SLC35B3: variants seen among roughly 807,000 people sequenced by gnomAD.
The protein encoded by SLC35B3 is solute carrier family 35 member B3, also known as adenosine 3'-phospho 5'-phosphosulfate transporter 2.
In SLC35B3, 35 loss-of-function variants were observed where a neutral mutation model predicts 44.1. That is an observed-to-expected ratio of 0.79 (90% CI 0.61 to 1.05). The LOEUF (loss-of-function observed/expected upper bound fraction) is 1.05. SLC35B3 is among the 50% of genes least tolerant of loss of function. The pLI is 0.00. For missense variants in SLC35B3, 414 were observed against 476.4 expected, an observed-to-expected ratio of 0.87 and a Z score of 1.22; for synonymous variants, 146 against 167.3, an observed-to-expected ratio of 0.87 and a Z score of 0.98.
At chr6:8,429,563 A>T (rs1209179764) in intron 3 of SLC35B3, among the ~76,000 whole-genome samples, 2 of 152,204 alleles carry the variant, frequency 1.3e-5, no homozygotes, top group African/African-American at 2.4e-5. Context: ...CCAAGATACC[A>T]ATCAATACGT....
chr6:8,412,292 T>G lies in SLC35B3; in HGVS notation c.*1257A>C, dbSNP rs1762083911. 6.6e-6 allele frequency among the ~76,000 whole-genome samples: 1 copy of G among 152,222 alleles called. No homozygotes were observed. The highest frequency in any genetic ancestry group is 2.1e-4 in the South Asian group (1 of 4,834). ...ATGGTATTTTATATAGCAGCCTGAA[T>G]GTGCTAAGGCGGAAAATATTGTCCA... On this transcript the variant is annotated 3_prime_UTR_variant, in exon 11 of 11. Coordinates refer to ENST00000644923, the MANE Select transcript of SLC35B3 (RefSeq NM_001370476.2).
intron 9 of SLC35B3, among the ~76,000 whole-genome samples, chr6:8,416,111 T>C (rs1367663062): frequency 6.6e-6 from 1 of 152,202 alleles, no homozygotes; most frequent in African/African-American, 2.4e-5. Flanking sequence ...TTTATCCATC[T>C]GTAAAATGGA....
chr6:8,419,704 C>A lies in SLC35B3; in HGVS notation c.683-27G>T. 1 of 1,272,056 alleles carries A rather than the reference C, an allele frequency of 7.9e-7. No individual in the cohort carries two copies. The highest frequency in any genetic ancestry group is 2.4e-5 in the Admixed American group (1 of 41,282). 78.8% of individuals were successfully genotyped at this position (1,272,056 alleles called of 1,614,324 possible). The stretch of plus-strand genomic sequence containing the variant: ...TTCAAGAAGGTATTAAAAAAACAAA[C>A]AAAAAAACCCTCCTTATTTAAACAT... On this transcript the variant is annotated intron_variant, in intron 6 of 10. Coordinates refer to ENST00000644923, the MANE Select transcript of SLC35B3 (RefSeq NM_001370476.2). This position sits in a 1 kb window ranked among gnomAD's most constrained non-coding sequence, Gnocchi z 4.3.
In SLC35B3 at chr6:8,418,366, C is replaced by T. The variant is rs149650444; in HGVS notation, c.781-872G>A. ...GTGTTATTAGAGACTACCTAAGTTG[C>T]CCCATTCTGTGTCAAGAAAATAACA... On this transcript the variant is annotated intron_variant, in intron 7 of 10. Transcript: ENST00000644923. 5.8e-3 allele frequency among the ~76,000 whole-genome samples: 889 copies of T among 152,060 alleles called. 14 individuals are homozygous for T. Among genetic ancestry groups the T allele is most frequent in the African/African-American group, 0.02 (847 of 41,496 alleles).
chr6:8,433,585 C>G lies in SLC35B3; in HGVS notation c.3+800G>C, dbSNP rs982766472. Among the ~76,000 whole-genome samples, 4 of 152,140 alleles carry G rather than the reference C, an allele frequency of 2.6e-5. No homozygotes were observed. The highest frequency in any genetic ancestry group is 2.6e-4 in the Admixed American group (4 of 15,272). On this transcript the variant is annotated intron_variant, in intron 2 of 10. Transcript: ENST00000644923. The surrounding 1 kb of genome is among the most constrained non-coding windows in gnomAD (Gnocchi z 4.1). ...AACTTTATGTGCTGCAGATCTAGGC[C>G]ATATGTGCAGAATGAAATCTCTCTA...
chr6:8,424,603 G>A (rs1026376691), intron 4 of SLC35B3, among the ~76,000 whole-genome samples: 2 of 152,104 alleles, frequency 1.3e-5, no homozygotes, highest in African/African-American at 4.8e-5. Flanking sequence ...AGACAAATCT[G>A]AGCACTCTCC....
At chr6:8,429,835 A>T in intron 3 of SLC35B3, 29 bp downstream of exon 2, 2 of 1,438,672 alleles carry the variant, frequency 1.4e-6, no homozygotes, top group Non-Finnish European at 9.4e-7. Flanking sequence ...ATAAATAATT[A>T]ACATATTACA....
At chr6:8,418,589 A>G (rs1208230185) in intron 7 of SLC35B3, among the ~76,000 whole-genome samples, 1 of 151,788 alleles carries the variant, frequency 6.6e-6, no homozygotes, top group Non-Finnish European at 1.5e-5. Context: ...ATACAGAAAG[A>G]TATTATTTGC....
In SLC35B3 at chr6:8,420,384, TC is replaced by T. The variant is rs1396871498; in HGVS notation, c.682+336del. 1.3e-5 allele frequency among the ~76,000 whole-genome samples: 2 copies of T among 152,188 alleles called. No homozygotes were observed. The highest frequency in any genetic ancestry group is 2.9e-5 in the Non-Finnish European group (2 of 68,016). ...CAAGTTGTGTCAGTTAACTCAGTTT[TC>T]ACAAAAACAATTATTTGTTCATATT... On this transcript the variant is annotated intron_variant, in intron 6 of 10. Coordinates refer to ENST00000644923, the MANE Select transcript of SLC35B3 (RefSeq NM_001370476.2). The surrounding 1 kb of genome is among the most constrained non-coding windows in gnomAD (Gnocchi z 4.4).
At chr6:8,426,198 C>T (rs1290311164) in intron 4 of SLC35B3, among the ~76,000 whole-genome samples, 4 of 152,072 alleles carry the variant, frequency 2.6e-5, no homozygotes, top group Admixed American at 6.5e-5. Context: ...TTTCAAATTT[C>T]GATTTTTTTC....
At position 8,420,830 on chromosome 6, in the gene SLC35B3, T is replaced by A. The variant is rs1306421154; in HGVS notation, c.575-2A>T. On this transcript the variant is annotated splice_acceptor_variant, in intron 5 of 10. Transcript: ENST00000644923. LOFTEE classifies it high-confidence loss of function. This position sits in a 1 kb window ranked among gnomAD's most constrained non-coding sequence, Gnocchi z 4.4. Reference sequence around the variant, plus strand: ...CATCTGCAACATTATAACGCTTTCCTGTATAAAACAAACGTAAGTCCACTT... The same window carrying A: ...CATCTGCAACATTATAACGCTTTCCAGTATAAAACAAACGTAAGTCCACTT... 6 of 1,603,946 alleles carry A rather than the reference T, an allele frequency of 3.7e-6. No homozygotes were observed. The highest frequency in any genetic ancestry group is 3.4e-6 in the Non-Finnish European group (4 of 1,173,500).
intron 8 of SLC35B3, 94 bp from the exon 8 acceptor site, chr6:8,417,089 A>G: frequency 1.5e-6 from 1 of 659,798 alleles, no homozygotes; most frequent in Non-Finnish European, 2.6e-6. Flanking sequence ...CAACTTCTTG[A>G]GCAATAAGTT....
chr6:8,430,423 A>T (rs927197528), intron 2 of SLC35B3, among the ~76,000 whole-genome samples: 22 of 111,152 alleles, frequency 2.0e-4, no homozygotes, highest in Non-Finnish European at 3.9e-4. Context: ...TAGTTATTTC[A>T]TCAAAGAACT....
intron 9 of SLC35B3, 64 bp from the exon 9 acceptor site, chr6:8,415,041 T>G: frequency 9.0e-7 from 1 of 1,115,918 alleles, no homozygotes; most frequent in South Asian, 1.4e-5. Flanking sequence ...AGAAATCACT[T>G]ATTCAGCAAA....
In SLC35B3 at chr6:8,434,456, AAAAAC is replaced by A; in HGVS notation, c.-43-31_-43-27del. On this transcript the variant is annotated intron_variant, in intron 1 of 10. Transcript: ENST00000644923. This position sits in a 1 kb window ranked among gnomAD's most constrained non-coding sequence, Gnocchi z 6.3. ...CTATGGTGTACGATTATAAAACAGA[AAAAAC>A]AAAGTTCCATCTCATTTCTTTGTAC... 6.3e-7 allele frequency: 1 copy of A among 1,599,196 alleles called. No individual in the cohort carries two copies. Among genetic ancestry groups the A allele is most frequent in the Non-Finnish European group, 8.5e-7 (1 of 1,171,442 alleles).
At position 8,416,881 on chromosome 6, in the gene SLC35B3, T is replaced by C; in HGVS notation, c.985+3A>G. ...ATAATCAAAGCAAGTAAATCCCTCCTACCTGTTACAGCAATAAGTGCACCA... is the reference window on the plus strand; with the variant it reads ...ATAATCAAAGCAAGTAAATCCCTCCCACCTGTTACAGCAATAAGTGCACCA... On this transcript the variant is annotated splice_donor_region_variant and intron_variant, in intron 9 of 10. Transcript: ENST00000644923. 1 of 1,460,232 alleles carries C rather than the reference T, an allele frequency of 6.8e-7. No homozygotes were observed. Among genetic ancestry groups the C allele is most frequent in the Non-Finnish European group, 9.4e-7 (1 of 1,059,520 alleles). The allele number at this position is 1,460,232 out of a possible 1,614,324, so 90.5% of individuals were successfully genotyped here.
chr6:8,416,760 A>C, intron 9 of SLC35B3, 124 bp downstream of exon 8: 1 of 468,692 alleles, frequency 2.1e-6, no homozygotes, highest in Non-Finnish European at 3.8e-6. Flanking sequence ...CCAAAGAATA[A>C]ATTGGTGAAA....
chr6:8,426,386 G>A (rs997986346), intron 4 of SLC35B3, among the ~76,000 whole-genome samples: 2 of 152,092 alleles, frequency 1.3e-5, no homozygotes, highest in Non-Finnish European at 2.9e-5. Flanking sequence ...ATCTGGAATT[G>A]TACTCCCATA....
chr6:8,414,840 G>T, intron 10 of SLC35B3, 68 bp downstream of exon 9: 1 of 825,424 alleles, frequency 1.2e-6, no homozygotes, highest in Non-Finnish European at 1.9e-6. Context: ...TTGAAATTAA[G>T]ATTAAGAGGA....
Sources: gnomAD v4.1 joint callset for allele counts (sites outside exome capture counted in the v4.1 genomes callset) on GRCh38, gnomAD v4.1.1 for gene constraint, Gnocchi (gnomAD v3.1) non-coding constraint, MANE v1.5 for transcripts, NCBI Gene and HGNC (gene_info 2026-07-23, HGNC 2026-07-21) for gene names.